The following ZFHX3 variants were observed in gnomAD, a reference collection of about 807,000 sequenced individuals.
The protein encoded by ZFHX3 is zinc finger homeobox protein 3.
Under a neutral mutation model 279.1 loss-of-function variants are expected in ZFHX3, and 42 were observed. That is an observed-to-expected ratio of 0.15 (90% CI 0.12 to 0.19). The LOEUF (loss-of-function observed/expected upper bound fraction) is 0.19. ZFHX3 is among the 10% of genes least tolerant of loss of function. The pLI, the probability that ZFHX3 is intolerant of heterozygous loss-of-function variation, is 1.00. For synonymous variants in ZFHX3, 2,293 were observed against 1,957.8 expected (o/e 1.17, Z -4.52); for missense variants, 4,981 against 4,754.0 (o/e 1.05, Z -1.40).
intron 2 of ZFHX3, among the ~76,000 whole-genome samples, chr16:73,534,379 C>A (rs2143734747): frequency 6.6e-6 from 1 of 152,272 alleles, no homozygotes; most frequent in South Asian, 2.1e-4. Flanking sequence ...AAAATTGCAA[C>A]CTGCCACCAA....
intron 5 of ZFHX3, among the ~76,000 whole-genome samples, chr16:73,160,776 T>C (rs1192148462): frequency 3.3e-5 from 5 of 150,008 alleles, no homozygotes; most frequent in African/African-American, 1.2e-4. Flanking sequence ...TCTCTTCTTT[T>C]TTTTTTTTTT....
rs149260120 is a variant in ZFHX3, at chr16:73,320,828, T to C, written c.-1290-2492A>G. 4.1e-3 allele frequency among the ~76,000 whole-genome samples: 632 copies of C among 152,290 alleles called. 4 individuals are homozygous for C. The highest frequency in any genetic ancestry group is 0.015 in the African/African-American group (604 of 41,558). The stretch of plus-strand genomic sequence containing the variant: ...GACTGTGCTTTATTTGAAAATCTCT[T>C]TACCATAAAGTGAAGTGAAGCCTTC... On this transcript the variant is annotated intron_variant, in intron 3 of 17. Coordinates refer to the ZFHX3 transcript ENST00000641206.
chr16:72,960,231 GGGAAAGAGAGAGAGAAA>G, intron 1 of ZFHX3, 37 bp from the exon 2 acceptor site: 1 of 1,458,992 alleles, frequency 6.9e-7, no homozygotes, highest in Non-Finnish European at 9.1e-7. Flanking sequence ...AGGGAGAGAG[GGGAAAGAGAGAGAGAAA>G]GGAAAGAGGT....
rs1022883279 is a variant in ZFHX3, at chr16:72,798,511, G to A, written c.4171C>T (p.Leu1391=). 6.2e-7 allele frequency: 1 copy of A among 1,614,224 alleles called. No individual in the cohort carries two copies. The highest frequency in any genetic ancestry group is 8.5e-7 in the Non-Finnish European group (1 of 1,180,044). Reference sequence around the variant, plus strand: ...TACACATGGCGATCTGACACCGGCAGCTGAGGCCTCTTGGCATGCACTTCA... The same window carrying A: ...TACACATGGCGATCTGACACCGGCAACTGAGGCCTCTTGGCATGCACTTCA... ...FNEVHAKRPQ[L]PVSDRHVYKY... is the part of the protein sequence containing the mutation. The change falls in exon 9 of 10, where the codon CTG becomes TTG. Residue 1391 remains leucine (L), a synonymous_variant. Coordinates refer to ENST00000268489, the MANE Select transcript of ZFHX3 (RefSeq NM_006885.4).
chr16:72,887,727 G>A (rs1307437784), intron 4 of ZFHX3, among the ~76,000 whole-genome samples: 1 of 151,724 alleles, frequency 6.6e-6, no homozygotes, highest in African/African-American at 2.4e-5. Flanking sequence ...CAGATGGGGC[G>A]TGTGGGTGTA....
intron 1 of ZFHX3, among the ~76,000 whole-genome samples, chr16:73,805,719 C>T (rs1412066074): frequency 6.6e-6 from 1 of 152,190 alleles, no homozygotes; most frequent in Non-Finnish European, 1.5e-5. Context: ...AATCCCTGCC[C>T]TTCTAGAGCT....
intron 3 of ZFHX3, among the ~76,000 whole-genome samples, chr16:72,894,648 G>A (rs948693668): frequency 1.3e-5 from 2 of 152,206 alleles, no homozygotes; most frequent in Non-Finnish European, 2.9e-5. Context: ...ATTTGTTCCT[G>A]ACCCAGCTAA....
chr16:73,719,122 T>A lies in ZFHX3; in HGVS notation c.-1607-38882A>T, dbSNP rs75162064. The stretch of plus-strand genomic sequence containing the variant: ...GTGTATCAAGAACGATAAATAAGAA[T>A]CTTGGTCACTTTGAACTTTCACTTT... On this transcript the variant is annotated intron_variant, in intron 1 of 17. Transcript: ENST00000641206. Among the ~76,000 whole-genome samples, 38 of 152,308 alleles carry A rather than the reference T, an allele frequency of 2.5e-4. No homozygotes were observed. The East Asian group carries it at 7.1e-3, about 29-fold the overall frequency.
At chr16:72,922,212 C>T (rs968138744) in intron 3 of ZFHX3, among the ~76,000 whole-genome samples, 15 of 152,298 alleles carry the variant, frequency 9.8e-5, no homozygotes, top group African/African-American at 3.1e-4. Flanking sequence ...ACTACCCTAT[C>T]TTTACTCCTC....
chr16:72,940,931 C>T (rs1184756740), intron 3 of ZFHX3, among the ~76,000 whole-genome samples: 1 of 152,262 alleles, frequency 6.6e-6, no homozygotes, highest in East Asian at 1.9e-4. Flanking sequence ...CTACTCTCTG[C>T]ATTCCCTATT....
chr16:73,639,426 T>G (rs547664279), intron 2 of ZFHX3, among the ~76,000 whole-genome samples: 3 of 152,184 alleles, frequency 2.0e-5, no homozygotes, highest in Non-Finnish European at 4.4e-5. Context: ...GGGTTTACAG[T>G]AGCCCCATAA....
intron 3 of ZFHX3, among the ~76,000 whole-genome samples, chr16:73,340,485 TAG>T (rs1237462998): frequency 2.0e-5 from 3 of 152,170 alleles, no homozygotes; most frequent in Admixed American, 6.5e-5. Flanking sequence ...GCCTCCTGAG[TAG>T]CTGGGATTAT....
intron 5 of ZFHX3, among the ~76,000 whole-genome samples, chr16:73,243,396 C>T (rs1384130882): frequency 6.6e-6 from 1 of 152,134 alleles, no homozygotes; most frequent in Admixed American, 6.5e-5. Context: ...CCATTTTTGT[C>T]CTCATTGTAC....
intron 1 of ZFHX3, among the ~76,000 whole-genome samples, chr16:73,746,391 G>C (rs116802536): frequency 6.6e-6 from 1 of 152,018 alleles, no homozygotes; most frequent in Non-Finnish European, 1.5e-5. Flanking sequence ...TCTTATATAC[G>C]GAACAAAAGA....
intron 2 of ZFHX3, among the ~76,000 whole-genome samples, chr16:73,501,856 G>A (rs1228282235): frequency 5.9e-4 from 90 of 152,126 alleles, no homozygotes; most frequent in Non-Finnish European, 1.3e-4. Flanking sequence ...CGTACCCAAC[G>A]TCTCGTCTGT....
At chr16:73,552,881 C>A (rs1348245630) in intron 2 of ZFHX3, among the ~76,000 whole-genome samples, 1 of 152,212 alleles carries the variant, frequency 6.6e-6, no homozygotes, top group Non-Finnish European at 1.5e-5. Context: ...CCAGTAACAC[C>A]TCTGAAGGCA....
At chr16:73,859,386 G>C (rs1961822490) in intron 1 of ZFHX3, among the ~76,000 whole-genome samples, 1 of 152,234 alleles carries the variant, frequency 6.6e-6, no homozygotes, top group Non-Finnish European at 1.5e-5. Context: ...CTTAGAGAAA[G>C]AAGTGGCCCT....
intron 1 of ZFHX3, among the ~76,000 whole-genome samples, chr16:73,841,763 G>A (rs1268886145): frequency 6.6e-6 from 1 of 152,032 alleles, no homozygotes; most frequent in African/African-American, 2.4e-5. Flanking sequence ...TATTGAATCA[G>A]ACCAAATTTC....
intron 2 of ZFHX3, among the ~76,000 whole-genome samples, chr16:73,532,951 T>C (rs2019833408): frequency 6.6e-6 from 1 of 152,174 alleles, no homozygotes; most frequent in Non-Finnish European, 1.5e-5. Context: ...GATTTTAAGT[T>C]TCATGAGGTC....
Sources: allele counts gnomAD v4.1 joint callset (sites outside exome capture counted in the v4.1 genomes callset), GRCh38; gene constraint gnomAD v4.1.1; transcripts MANE v1.5; gene names NCBI Gene and HGNC (gene_info 2026-07-23, HGNC 2026-07-21).